The following KAZN variants were observed in gnomAD, a reference collection of about 807,000 sequenced individuals.
KAZN encodes kazrin, periplakin interacting protein.
In KAZN, 40 loss-of-function variants were observed where a neutral mutation model predicts 87.4. The ratio of observed to expected loss-of-function variants is 0.46; its 90% CI spans 0.36 to 0.60. The LOEUF (loss-of-function observed/expected upper bound fraction) is 0.60, where lower values mean the gene tolerates loss of function less well. Ranked by LOEUF, KAZN falls within the 20% of genes least tolerant of loss-of-function variation. The probability of loss-of-function intolerance (pLI) is 0.00; values close to 1 mark genes in which losing one functional copy is unlikely to be tolerated. For synonymous variants in KAZN, 466 were observed against 458.3 expected (o/e 1.02, Z -0.22); for missense variants, 898 against 1,073.9 (o/e 0.84, Z 2.29).
intron 2 of KAZN, among the ~76,000 whole-genome samples, chr1:14,345,529 T>C (rs191046944): frequency 2.0e-5 from 3 of 152,338 alleles, no homozygotes; most frequent in East Asian, 3.9e-4. Context: ...CATTGAGATA[T>C]ATTACATTCC....
chr1:14,196,999 G>A (rs955318440), intron 2 of KAZN, among the ~76,000 whole-genome samples: 3 of 152,026 alleles, frequency 2.0e-5, no homozygotes, highest in African/African-American at 7.2e-5. Context: ...GCCGGAATGA[G>A]GATGTTCATT....
chr1:14,666,354 T>C lies in KAZN; in HGVS notation c.226+67131T>C, dbSNP rs544301067. 4.6e-5 allele frequency among the ~76,000 whole-genome samples: 7 copies of C among 152,348 alleles called. No homozygotes were observed. The South Asian group carries it at 1.5e-3, about 32-fold the overall frequency. On this transcript the variant is annotated intron_variant, in intron 1 of 14. Coordinates refer to ENST00000376030, the MANE Select transcript of KAZN (RefSeq NM_201628.3). ...TTTGTAATGTCTGTGTTTACAGGAATAGGACTTGCATTTGCTTGTCTATAA... is the reference window on the plus strand; with the variant it reads ...TTTGTAATGTCTGTGTTTACAGGAACAGGACTTGCATTTGCTTGTCTATAA...
intron 1 of KAZN, among the ~76,000 whole-genome samples, chr1:14,862,843 G>C (rs1254185530): frequency 6.6e-6 from 1 of 152,120 alleles, no homozygotes; most frequent in Non-Finnish European, 1.5e-5. Flanking sequence ...ACAATTCATG[G>C]GCCTTATTAG....
chr1:14,622,653 G>A (rs1282039151), intron 1 of KAZN, among the ~76,000 whole-genome samples: 2 of 146,004 alleles, frequency 1.4e-5, no homozygotes, highest in African/African-American at 5.3e-5. Context: ...ATCGACCACT[G>A]CACTCCAGCC....
chr1:14,292,055 C>A lies in KAZN; in HGVS notation c.249+111463C>A, dbSNP rs1020381041. 3.9e-5 allele frequency among the ~76,000 whole-genome samples: 6 copies of A among 152,230 alleles called. No homozygotes were observed. The East Asian group carries it at 1.2e-3, about 29-fold the overall frequency. On this transcript the variant is annotated intron_variant, in intron 2 of 16. Transcript: ENST00000636203. ...TTGAGGATGGACTAATACAGACCCC[C>A]TGTAATTTTTTTGCTTAAAGTCACA... is the stretch of plus-strand genomic sequence containing the variant.
chr1:14,639,559 C>T (rs557067618), intron 1 of KAZN, among the ~76,000 whole-genome samples: 227 of 152,248 alleles, frequency 1.5e-3, no homozygotes, highest in African/African-American at 5.0e-3. Flanking sequence ...TAGGGTGAGC[C>T]GGGCTTAGAA....
chr1:14,634,840 G>T (rs563349193), intron 1 of KAZN, among the ~76,000 whole-genome samples: 2 of 152,234 alleles, frequency 1.3e-5, no homozygotes, highest in South Asian at 4.2e-4. Context: ...ATCCACTCAG[G>T]GGTGGGTGGG....
chr1:14,592,871 T>C (rs1404861894), intron 2 of KAZN, among the ~76,000 whole-genome samples: 2 of 152,212 alleles, frequency 1.3e-5, no homozygotes, highest in East Asian at 3.9e-4. Context: ...TCACTCAGCC[T>C]TACCAGGTGG....
At chr1:15,054,067 T>G (rs1325928815) in intron 4 of KAZN, among the ~76,000 whole-genome samples, 1 of 151,922 alleles carries the variant, frequency 6.6e-6, no homozygotes, top group Non-Finnish European at 1.5e-5. Context: ...TGAGAGTGCA[T>G]CAGGCATTAG....
intron 1 of KAZN, among the ~76,000 whole-genome samples, chr1:14,954,302 C>T (rs574843364): frequency 6.6e-6 from 1 of 152,364 alleles, no homozygotes; most frequent in African/African-American, 2.4e-5. Context: ...ACTGTGGTTC[C>T]CCAGCGTCAG....
intron 2 of KAZN, among the ~76,000 whole-genome samples, chr1:14,467,188 G>A (rs1306547221): frequency 1.3e-5 from 2 of 151,988 alleles, no homozygotes; most frequent in Non-Finnish European, 1.5e-5. Flanking sequence ...AAAAGAGGAG[G>A]GAGGGTATTG....
chr1:14,129,085 T>C (rs998703942), intron 1 of KAZN, among the ~76,000 whole-genome samples: 2 of 152,210 alleles, frequency 1.3e-5, no homozygotes, highest in African/African-American at 4.8e-5. Context: ...CACTGATTTT[T>C]CTTTGTTTAT....
chr1:14,808,336 C>G lies in KAZN; in HGVS notation c.227-152348C>G, dbSNP rs560290939. 1.1e-4 allele frequency among the ~76,000 whole-genome samples: 16 copies of G among 143,714 alleles called. No individual in the cohort carries two copies. The East Asian group carries it at 3.2e-3, about 28-fold the overall frequency. 94.3% of individuals were successfully genotyped at this position (143,714 alleles called of 152,430 possible). A position where few individuals can be genotyped will look rare whatever the true frequency, so the allele number is the denominator to read the frequency against. ...TTTGAGATGGCGTCTCACTCTGTCACCCCAGGCTGGAGTGCAGTGGTTCGA... is the reference window on the plus strand; with the variant it reads ...TTTGAGATGGCGTCTCACTCTGTCAGCCCAGGCTGGAGTGCAGTGGTTCGA... On this transcript the variant is annotated intron_variant, in intron 1 of 14. Transcript: ENST00000376030.
chr1:14,436,643 A>C (rs1026673990), intron 2 of KAZN, among the ~76,000 whole-genome samples: 3 of 147,464 alleles, frequency 2.0e-5, no homozygotes, highest in Non-Finnish European at 4.5e-5. Context: ...ACTTGAACCC[A>C]GGAGGCAGAA....
chr1:14,887,467 A>G (rs1275251067), intron 1 of KAZN, among the ~76,000 whole-genome samples: 1 of 152,216 alleles, frequency 6.6e-6, no homozygotes, highest in Non-Finnish European at 1.5e-5. Flanking sequence ...GGTACCACTG[A>G]GCTGATGGAA....
intron 2 of KAZN, among the ~76,000 whole-genome samples, chr1:14,976,051 A>G (rs1217896737): frequency 2.0e-5 from 3 of 151,022 alleles, no homozygotes; most frequent in Non-Finnish European, 3.0e-5. Flanking sequence ...AAAAAAAAAA[A>G]AAGCAAAGAA....
At chr1:14,288,183 G>T (rs1653403632) in intron 2 of KAZN, among the ~76,000 whole-genome samples, 1 of 152,170 alleles carries the variant, frequency 6.6e-6, no homozygotes, top group Admixed American at 6.5e-5. Context: ...TCAGGATGAT[G>T]CTGGCCTCAT....
intron 2 of KAZN, among the ~76,000 whole-genome samples, chr1:14,478,237 G>GA (rs1668865601): frequency 6.8e-6 from 1 of 146,952 alleles, no homozygotes; most frequent in Non-Finnish European, 1.5e-5. Flanking sequence ...AGGAAGGAAG[G>GA]AAGGAAGGAA....
In KAZN at chr1:15,063,680, T is replaced by A. The variant is rs904971314; in HGVS notation, c.1098+58T>A. ...CCCTCCACCCCACCTTGACTACAAC[T>A]TCACCCTCTGTTCCCCTGAGCCCAC... On this transcript the variant is annotated intron_variant, in intron 7 of 14. Coordinates refer to ENST00000376030, the MANE Select transcript of KAZN (RefSeq NM_201628.3). 8.7e-6 allele frequency: 12 copies of A among 1,379,232 alleles called. 1 individual carries two copies. In the Admixed American group the frequency reaches 1.2e-4, roughly 14 times the overall value. The allele number at this position is 1,379,232 out of a possible 1,614,324, so 85.4% of individuals were successfully genotyped here.
Sources: gnomAD v4.1 joint callset for allele counts (sites outside exome capture counted in the v4.1 genomes callset) on GRCh38, gnomAD v4.1.1 for gene constraint, MANE v1.5 for transcripts, NCBI Gene and HGNC (gene_info 2026-07-23, HGNC 2026-07-21) for gene names.